ZNF423: variants seen among roughly 807,000 people sequenced by gnomAD.
The protein encoded by ZNF423 is zinc finger protein 423, also known as Ebf-associated zinc finger protein.
ZNF423 carries 12 observed loss-of-function variants against 95.8 expected under a neutral mutation model. That is an observed-to-expected ratio of 0.13 (90% CI 0.08 to 0.20). ZNF423 has a LOEUF of 0.20. Among genes scored for constraint, ZNF423 ranks in the 10% least tolerant of loss-of-function variants. The probability of loss-of-function intolerance (pLI) is 1.00; values close to 1 mark genes in which losing one functional copy is unlikely to be tolerated. For missense variants in ZNF423, 1,316 were observed against 1,737.1 expected (o/e 0.76, Z 4.31); for synonymous variants, 749 against 711.9 (o/e 1.05, Z -0.83).
chr16:49,818,760 G>A (rs762630916), intron 1 of ZNF423, among the ~76,000 whole-genome samples: 2 of 151,832 alleles, frequency 1.3e-5, no homozygotes, highest in Admixed American at 6.6e-5. Flanking sequence ...GATGGTGAAC[G>A]CCTGTAGTCC....
chr16:49,808,092 TGCTCTGTCACCAAG>T (rs2034693846), intron 1 of ZNF423, among the ~76,000 whole-genome samples: 1 of 152,102 alleles, frequency 6.6e-6, no homozygotes, highest in South Asian at 2.1e-4. Flanking sequence ...GACAAAATCT[TGCTCTGTCACCAAG>T]GCTGGAGTGC....
chr16:49,561,131 G>A (rs1970003973), intron 5 of ZNF423, among the ~76,000 whole-genome samples: 1 of 152,140 alleles, frequency 6.6e-6, no homozygotes, highest in South Asian at 2.1e-4. Context: ...AAACAGGGCT[G>A]TGCTAGAGCC....
At chr16:49,671,852 TCTG>T (rs1451197710) in intron 3 of ZNF423, among the ~76,000 whole-genome samples, 24 of 152,152 alleles carry the variant, frequency 1.6e-4, no homozygotes, top group African/African-American at 5.8e-4. Context: ...GCTAGGCTAA[TCTG>T]TGTATTTTTA....
intron 2 of ZNF423, among the ~76,000 whole-genome samples, chr16:49,732,578 A>G (rs766649289): frequency 1.3e-5 from 2 of 152,258 alleles, no homozygotes; most frequent in Non-Finnish European, 2.9e-5. Context: ...CTGTATGTAC[A>G]TGTGTGTACA....
intron 1 of ZNF423, among the ~76,000 whole-genome samples, chr16:49,796,668 C>T (rs1262362882): frequency 2.0e-5 from 3 of 152,282 alleles, no homozygotes; most frequent in Admixed American, 2.0e-4. Flanking sequence ...GAGGCTAGTG[C>T]TGGTCCAAGG....
intron 5 of ZNF423, among the ~76,000 whole-genome samples, chr16:49,580,825 C>T (rs1482575808): frequency 1.3e-5 from 2 of 152,082 alleles, no homozygotes; most frequent in Non-Finnish European, 2.9e-5. Flanking sequence ...GCGGAGAACG[C>T]ATTCAGAGAG....
chr16:49,772,065 C>G (rs1334769717), intron 2 of ZNF423, among the ~76,000 whole-genome samples: 1 of 152,162 alleles, frequency 6.6e-6, no homozygotes, highest in Non-Finnish European at 1.5e-5. Context: ...CTGGAAACAT[C>G]CCACCCTGTG....
In ZNF423 at chr16:49,529,979, C is replaced by T. The variant is rs1005697713; in HGVS notation, c.3602-4485G>A. Among the ~76,000 whole-genome samples, 7 of 152,050 alleles carry T rather than the reference C, an allele frequency of 4.6e-5. No individual in the cohort carries two copies. The East Asian group carries it at 5.8e-4, about 13-fold the overall frequency. ...TGTCTAGGAGAAGACCAATGACTTC[C>T]GCCTGGTGTTGACTAGGGGCATGAC... On this transcript the variant is annotated intron_variant, in intron 5 of 7. Coordinates refer to ENST00000563137, the MANE Select transcript of ZNF423 (RefSeq NM_001379286.1).
intron 7 of ZNF423, among the ~76,000 whole-genome samples, chr16:49,501,228 A>C (rs1967386406): frequency 6.6e-6 from 1 of 152,142 alleles, no homozygotes; most frequent in Non-Finnish European, 1.5e-5. Flanking sequence ...CCAGGTGCAA[A>C]GCAGTAAGAC....
intron 2 of ZNF423, among the ~76,000 whole-genome samples, chr16:49,734,897 A>T (rs1262406376): frequency 1.3e-5 from 2 of 152,204 alleles, no homozygotes; most frequent in East Asian, 3.9e-4. Flanking sequence ...TGATGTCATC[A>T]TATCCCCATT....
chr16:49,658,909 C>T (rs1040484223), intron 3 of ZNF423, among the ~76,000 whole-genome samples: 3 of 152,258 alleles, frequency 2.0e-5, no homozygotes, highest in Non-Finnish European at 4.4e-5. Context: ...CCACCACCTC[C>T]TCCCACTGGA....
intron 5 of ZNF423, among the ~76,000 whole-genome samples, chr16:49,533,171 G>A (rs183954507): frequency 6.6e-6 from 1 of 152,210 alleles, no homozygotes; most frequent in African/African-American, 2.4e-5. Context: ...TGATCACTAG[G>A]TTGTCTTCCT....
At chr16:49,578,927 C>T (rs563974908) in intron 5 of ZNF423, among the ~76,000 whole-genome samples, 46 of 152,186 alleles carry the variant, frequency 3.0e-4, no homozygotes, top group Non-Finnish European at 5.6e-4. Flanking sequence ...TTGGTTGGGA[C>T]TGAGAGGGTG....
At chr16:49,568,054 GTGTATTCCA>G (rs1326591792) in intron 5 of ZNF423, among the ~76,000 whole-genome samples, 1 of 152,224 alleles carries the variant, frequency 6.6e-6, no homozygotes, top group East Asian at 1.9e-4. Flanking sequence ...TGGCCAATTA[GTGTATTCCA>G]TGTCTCTGGA....
intron 2 of ZNF423, among the ~76,000 whole-genome samples, chr16:49,740,659 G>A (rs904960917): frequency 5.9e-5 from 9 of 152,274 alleles, no homozygotes; most frequent in East Asian, 1.9e-4. Flanking sequence ...TGTCCCTATC[G>A]GTGCCTGTGG....
intron 5 of ZNF423, among the ~76,000 whole-genome samples, chr16:49,620,031 G>A (rs571013279): frequency 1.1e-3 from 172 of 152,070 alleles, no homozygotes; most frequent in African/African-American, 4.0e-3. Context: ...CCCTGGCTCT[G>A]CAAGGTGGTT....
chr16:49,722,060 C>A (rs1042481438), intron 3 of ZNF423, among the ~76,000 whole-genome samples: 10 of 152,180 alleles, frequency 6.6e-5, no homozygotes, highest in Non-Finnish European at 1.3e-4. Context: ...AAGTCCCCAC[C>A]ACCACCACAT....
chr16:49,617,476 A>G (rs1971916128), intron 5 of ZNF423, among the ~76,000 whole-genome samples: 1 of 152,234 alleles, frequency 6.6e-6, no homozygotes, highest in Non-Finnish European at 1.5e-5. Flanking sequence ...CACCAAGCCC[A>G]TGTGACATGA....
chr16:49,631,674 G>T (rs2151874518), intron 4 of ZNF423, among the ~76,000 whole-genome samples: 1 of 152,332 alleles, frequency 6.6e-6, no homozygotes, highest in East Asian at 1.9e-4. Context: ...GAGAGGGAGG[G>T]CAGGGAAGAA....
Sources: gnomAD v4.1 joint callset for allele counts (sites outside exome capture counted in the v4.1 genomes callset) on GRCh38, gnomAD v4.1.1 for gene constraint, MANE v1.5 for transcripts, NCBI Gene and HGNC (gene_info 2026-07-23, HGNC 2026-07-21) for gene names.